WDFY4: variants seen among roughly 807,000 people sequenced by gnomAD.
WDFY4 encodes WDFY family member 4, also known as WD repeat- and FYVE domain-containing protein 4.
In WDFY4, 169 loss-of-function variants were observed where a neutral mutation model predicts 351.9. That is an observed-to-expected ratio of 0.48 (90% CI 0.42 to 0.55). The LOEUF is 0.55. Among genes scored for constraint, WDFY4 ranks in the 20% least tolerant of loss-of-function variants. The probability of loss-of-function intolerance (pLI) is 0.00; values close to 1 mark genes in which losing one functional copy is unlikely to be tolerated. For synonymous variants in WDFY4, 1,622 were observed against 1,574.6 expected (o/e 1.03, Z -0.71); for missense variants, 3,803 against 3,935.6 (o/e 0.97, Z 0.90).
At chr10:48,789,687 G>A (rs1388874948) in intron 21 of WDFY4, among the ~76,000 whole-genome samples, 187 bp from the exon 22 acceptor site, 1 of 152,218 alleles carries the variant, frequency 6.6e-6, no homozygotes, top group Non-Finnish European at 1.5e-5. Flanking sequence ...TTGGGAGACA[G>A]AATGCATGAG....
intron 1 of WDFY4, among the ~76,000 whole-genome samples, chr10:48,700,743 A>G (rs1273562841): frequency 6.6e-6 from 1 of 152,226 alleles, no homozygotes. Flanking sequence ...AAATCACGTT[A>G]GGTGGGCACA....
chr10:48,860,282 T>G (rs931193676), intron 39 of WDFY4, among the ~76,000 whole-genome samples: 2 of 152,230 alleles, frequency 1.3e-5, no homozygotes, highest in African/African-American at 4.8e-5. Flanking sequence ...ATTTGTCTTA[T>G]CAGCTCAGGC....
At chr10:48,980,841 CA>C (rs1842776092) in intron 60 of WDFY4, among the ~76,000 whole-genome samples, 1 of 152,110 alleles carries the variant, frequency 6.6e-6, no homozygotes, top group Non-Finnish European at 1.5e-5. Flanking sequence ...TGTCTGTCCC[CA>C]AATGCAGTCA....
chr10:48,727,469 G>A lies in WDFY4; in HGVS notation c.782-1G>A. The A allele has an allele frequency of 6.4e-7, 1 of 1,551,560 alleles. No individual in the cohort carries two copies. The highest frequency in any genetic ancestry group is 8.7e-7 in the Non-Finnish European group (1 of 1,146,890). Reference sequence around the variant, plus strand: ...GTCTCTCCTGTGCTTCCCTCCTGCAGCCACAGACTGTGTCAGGCTCTCCCT... The same window carrying A: ...GTCTCTCCTGTGCTTCCCTCCTGCAACCACAGACTGTGTCAGGCTCTCCCT... On this transcript the variant is annotated splice_acceptor_variant, in intron 6 of 61. Transcript: ENST00000325239. LOFTEE classifies it high-confidence loss of function.
At chr10:48,950,852 G>C (rs1841288805) in intron 51 of WDFY4, among the ~76,000 whole-genome samples, 1 of 152,248 alleles carries the variant, frequency 6.6e-6, no homozygotes, top group South Asian at 2.1e-4. Context: ...CTGCATGTGT[G>C]TGCAGCATGG....
At chr10:48,838,802 A>G (rs2068495956) in intron 39 of WDFY4, among the ~76,000 whole-genome samples, 1 of 152,234 alleles carries the variant, frequency 6.6e-6, no homozygotes, top group African/African-American at 2.4e-5. Flanking sequence ...CTTTAAAGAA[A>G]TCATGGGGCC....
At chr10:48,904,946 C>T (rs919646484) in intron 47 of WDFY4, among the ~76,000 whole-genome samples, 10 of 152,156 alleles carry the variant, frequency 6.6e-5, no homozygotes, top group Non-Finnish European at 1.5e-4. Flanking sequence ...CAGGTGGCCA[C>T]ACATGGTTCC....
At chr10:48,863,027 T>C (rs910843398) in intron 39 of WDFY4, among the ~76,000 whole-genome samples, 1 of 152,240 alleles carries the variant, frequency 6.6e-6, no homozygotes, top group Admixed American at 6.5e-5. Flanking sequence ...CATGTGTCAA[T>C]ACATCATTCT....
intron 22 of WDFY4, among the ~76,000 whole-genome samples, chr10:48,790,227 CTG>C (rs2132739745): frequency 1.3e-5 from 2 of 152,324 alleles, no homozygotes; most frequent in South Asian, 4.1e-4. Context: ...AGGCTGCTGT[CTG>C]TGACGACAGG....
chr10:48,848,605 G>T (rs1347586052), intron 39 of WDFY4, among the ~76,000 whole-genome samples: 2 of 152,180 alleles, frequency 1.3e-5, no homozygotes, highest in African/African-American at 4.8e-5. Context: ...TTGGGCCCCA[G>T]TGAGTGAGGA....
At chr10:48,894,397 G>A (rs1836967567) in intron 44 of WDFY4, among the ~76,000 whole-genome samples, 1 of 152,166 alleles carries the variant, frequency 6.6e-6, no homozygotes, top group Non-Finnish European at 1.5e-5. Context: ...AAAGAGCATG[G>A]GTGTTAGAGT....
intron 25 of WDFY4, chr10:48,804,774 G>T (rs1565218066): frequency 2.1e-6 from 2 of 965,700 alleles, no homozygotes; most frequent in Middle Eastern, 5.3e-4. Context: ...AGTATCTGAG[G>T]GAGGGGGTAT....
chr10:48,929,691 C>T (rs1458658216), intron 47 of WDFY4, among the ~76,000 whole-genome samples: 1 of 152,200 alleles, frequency 6.6e-6, no homozygotes, highest in African/African-American at 2.4e-5. Flanking sequence ...ACTCACTTAG[C>T]CTACTGCCTA....
intron 57 of WDFY4, among the ~76,000 whole-genome samples, chr10:48,973,743 T>C (rs1247961650): frequency 2.0e-5 from 3 of 152,286 alleles, no homozygotes; most frequent in African/African-American, 7.2e-5. Flanking sequence ...GCATGTGTGG[T>C]GGGCCACTTT....
intron 19 of WDFY4, among the ~76,000 whole-genome samples, chr10:48,784,775 C>T (rs1328176423): frequency 1.2e-4 from 18 of 149,478 alleles, no homozygotes; most frequent in Non-Finnish European, 4.4e-5. Context: ...CTCCTGACCT[C>T]GTGATCTGCC....
intron 24 of WDFY4, chr10:48,802,705 A>G (rs2067123905): frequency 2.1e-6 from 1 of 471,222 alleles, no homozygotes; most frequent in Middle Eastern, 3.2e-4. Context: ...TGAATTTCAT[A>G]TCTTTGTTTC....
chr10:48,833,290 T>C (rs902932660), intron 39 of WDFY4, among the ~76,000 whole-genome samples: 20 of 151,960 alleles, frequency 1.3e-4, no homozygotes, highest in Non-Finnish European at 2.4e-4. Context: ...GTTGGGATCG[T>C]TGGAAGGCTG....
intron 52 of WDFY4, among the ~76,000 whole-genome samples, chr10:48,957,965 G>A (rs1239039688): frequency 6.6e-6 from 1 of 152,234 alleles, no homozygotes; most frequent in African/African-American, 2.4e-5. Flanking sequence ...CACAGCCTGG[G>A]CAGGTCACCG....
At position 48,725,927 on chromosome 10, in the gene WDFY4, T is replaced by G. The variant is rs2064253253; in HGVS notation, c.638T>G (p.Leu213Arg). 1 of 1,551,336 alleles carries G rather than the reference T, an allele frequency of 6.4e-7. No homozygotes were observed. The highest frequency in any genetic ancestry group is 1.4e-5 in the African/African-American group (1 of 73,048). Reference protein sequence around the residue: ...CSDSQGLEGLLSGSELQSLLI... With the variant: ...CSDSQGLEGLRSGSELQSLLI... ...GACTCTCAGGGCCTGGAGGGACTCC[T>G]CTCAGGAAGTGAGCTGCAGTCTCTG... The change falls in exon 6 of 62, where the codon CTC becomes CGC. Residue 213 changes from leucine (L) to arginine (R), a missense_variant. Leu to Arg is a moderately radical substitution (Grantham distance 102). Transcript: ENST00000325239.
Sources: allele counts gnomAD v4.1 joint callset (sites outside exome capture counted in the v4.1 genomes callset), GRCh38; gene constraint gnomAD v4.1.1; transcripts MANE v1.5; gene names NCBI Gene and HGNC (gene_info 2026-07-23, HGNC 2026-07-21).